PKHD1L1: variants seen among roughly 807,000 people sequenced by gnomAD.
PKHD1L1 encodes fibrocystin-L.
PKHD1L1 carries 434 observed loss-of-function variants against 462.9 expected under a neutral mutation model. That is an observed-to-expected ratio of 0.94 (90% CI 0.87 to 1.02). The LOEUF is 1.02. Ranked by LOEUF, PKHD1L1 falls within the 50% of genes least tolerant of loss-of-function variation. The pLI is 0.00. For missense variants in PKHD1L1, 5,202 were observed against 5,096.1 expected, an observed-to-expected ratio of 1.02 and a Z score of -0.63; for synonymous variants, 1,781 against 1,750.0, an observed-to-expected ratio of 1.02 and a Z score of -0.44.
rs1427735744 is a variant in PKHD1L1, at chr8:109,533,023, T to C, written c.*2933T>C. Among the ~76,000 whole-genome samples, 1 of 152,212 alleles carries C rather than the reference T, an allele frequency of 6.6e-6. No individual in the cohort carries two copies. Among genetic ancestry groups the C allele is most frequent in the Non-Finnish European group, 1.5e-5 (1 of 68,036 alleles). Reference sequence around the variant, plus strand: ...AAACTTGAAATGTTGAAGGGTTAGGTTAAATTCCCAAGTTCACAGAGCTAC... The same window carrying C: ...AAACTTGAAATGTTGAAGGGTTAGGCTAAATTCCCAAGTTCACAGAGCTAC... On this transcript the variant is annotated 3_prime_UTR_variant, in exon 78 of 78. Coordinates refer to ENST00000378402, the MANE Select transcript of PKHD1L1 (RefSeq NM_177531.6).
intron 16 of PKHD1L1, among the ~76,000 whole-genome samples, chr8:109,405,755 C>T (rs1472743583): frequency 1.3e-5 from 2 of 151,980 alleles, no homozygotes; most frequent in African/African-American, 4.8e-5. Flanking sequence ...GGCTTAATAC[C>T]TAGGTGATGA....
chr8:109,526,850 T>C lies in PKHD1L1; in HGVS notation c.12551T>C (p.Leu4184Pro), dbSNP rs2131046539. The change falls in exon 77 of 78, where the codon CTG becomes CCG. Residue 4184 changes from leucine to proline, a missense_variant. Coordinates refer to ENST00000378402, the MANE Select transcript of PKHD1L1 (RefSeq NM_177531.6). ...GGGGTAGAATCCAGAACTTTCAGCC[T>C]GCTGGCAGAGTCTGTCTCTAGCAGT... ...VVGVESRTFSLLAESVSSSGS... is the reference protein window; with the variant it reads ...VVGVESRTFSPLAESVSSSGS... 6.3e-7 allele frequency: 1 copy of C among 1,596,058 alleles called. No individual in the cohort carries two copies. Among genetic ancestry groups the C allele is most frequent in the South Asian group, 1.1e-5 (1 of 88,888 alleles).
intron 50 of PKHD1L1, chr8:109,471,119 AC>A: frequency 1.4e-6 from 2 of 1,479,988 alleles, no homozygotes; most frequent in Non-Finnish European, 1.9e-6. Context: ...CTAAACTAAA[AC>A]ACTCAGCAGA....
chr8:109,382,361 T>C, intron 3 of PKHD1L1, 102 bp from the exon 4 acceptor site: 1 of 900,624 alleles, frequency 1.1e-6, no homozygotes, highest in Non-Finnish European at 1.6e-6. Context: ...GGACACTTTC[T>C]GTCAAAAATA....
intron 24 of PKHD1L1, 35 bp downstream of exon 24, chr8:109,425,267 G>T: frequency 6.6e-7 from 1 of 1,507,798 alleles, no homozygotes; most frequent in Non-Finnish European, 8.9e-7. Flanking sequence ...TGGTGTATAC[G>T]CACACACATA....
At chr8:109,374,500 AT>A (rs1335785361) in intron 2 of PKHD1L1, among the ~76,000 whole-genome samples, 2 of 152,170 alleles carry the variant, frequency 1.3e-5, no homozygotes, top group African/African-American at 4.8e-5. Flanking sequence ...GCCAATTTAC[AT>A]TTAAGGTTTA....
intron 20 of PKHD1L1, among the ~76,000 whole-genome samples, chr8:109,412,884 T>C (rs932186867): frequency 6.6e-6 from 1 of 152,064 alleles, no homozygotes; most frequent in African/African-American, 2.4e-5. Context: ...CTTTCTCTTA[T>C]TTTAAAATTC....
chr8:109,410,094 T>C (rs1813759335), intron 19 of PKHD1L1, 116 bp downstream of exon 19: 1 of 586,580 alleles, frequency 1.7e-6, no homozygotes, highest in African/African-American at 2.0e-5. Flanking sequence ...CACAGTCAAA[T>C]TGCAAAAATG....
Position 109,425,105 on chromosome 8 carries a change from G to T in PKHD1L1, c.2718G>T (p.Glu906Asp), listed in dbSNP as rs763004904. 77 of 1,588,608 alleles carry T rather than the reference G, an allele frequency of 4.8e-5. No homozygotes were observed. The highest frequency in any genetic ancestry group is 5.9e-5 in the Non-Finnish European group (69 of 1,170,266). Residue 906 changes from glutamate to aspartate, a missense_variant, in exon 24 of 78, where the codon GAG becomes GAT. Coordinates refer to ENST00000378402, the MANE Select transcript of PKHD1L1 (RefSeq NM_177531.6). ...SFGQIITHET[E>D]NEFVYRGNNW... ...ATTAGATAATCACACATGAGACAGA[G>T]AACGAGTTTGTCTACAGAGGAAATA... is the stretch of plus-strand genomic sequence containing the variant.
intron 38 of PKHD1L1, among the ~76,000 whole-genome samples, chr8:109,446,878 G>A (rs1182201858): frequency 1.3e-5 from 2 of 152,150 alleles, no homozygotes; most frequent in African/African-American, 2.4e-5. Context: ...AAGGCAAAAT[G>A]TCAAGCAAAA....
At chr8:109,418,914 T>G (rs1299887430) in intron 21 of PKHD1L1, among the ~76,000 whole-genome samples, 183 bp from the exon 22 acceptor site, 1 of 152,258 alleles carries the variant, frequency 6.6e-6, no homozygotes, top group Non-Finnish European at 1.5e-5. Context: ...AATCTTTTAC[T>G]GCCAATGTAA....
Position 109,526,892 on chromosome 8 carries a change from G to A in PKHD1L1, c.12593G>A (p.Ser4198Asn), listed in dbSNP as rs1563642326. ...TCTAGCAGTGGCAGCAGCAGCAGCA[G>A]CAACAGCAAAGCATCAACTGTGGGT... ...SVSSSGSSSSSNSKASTVGTY... is the reference protein window; with the variant it reads ...SVSSSGSSSSNNSKASTVGTY... Residue 4198 changes from serine (S) to asparagine (N), a missense_variant, in exon 77 of 78, where the codon AGC becomes AAC. This residue lies in a region of PKHD1L1 where 698 missense variants were observed against 736.3 expected (regional missense o/e 0.95). Transcript: ENST00000378402. The A allele has an allele frequency of 1.2e-6, 2 of 1,611,056 alleles. No individual in the cohort carries two copies. The highest frequency in any genetic ancestry group is 1.7e-5 in the Admixed American group (1 of 59,566).
chr8:109,421,400 C>G (rs1814456385), intron 23 of PKHD1L1, among the ~76,000 whole-genome samples: 1 of 152,002 alleles, frequency 6.6e-6, no homozygotes. Context: ...TGCCTTTATC[C>G]CATCCTGGCC....
In PKHD1L1 at chr8:109,523,288, A is replaced by G. The variant is rs2131033238; in HGVS notation, c.12386A>G (p.Asp4129Gly). 6.2e-7 allele frequency: 1 copy of G among 1,611,678 alleles called. No homozygotes were observed. The highest frequency in any genetic ancestry group is 2.2e-5 in the East Asian group (1 of 44,814). ...CTAACTTTGAGGGCCATACTCAAGG[A>G]CTCCAATAATAACCAAGTCAATGGC... ...TALTLRAILK[D>G]SNNNQVNGLS... Residue 4129 changes from aspartate (D) to glycine (G), a missense_variant, in exon 76 of 78, where the codon GAC (aspartate) becomes GGC (glycine). This residue lies in a region of PKHD1L1 where 698 missense variants were observed against 736.3 expected (regional missense o/e 0.95). Transcript: ENST00000378402.
Position 109,459,596 on chromosome 8 carries a change from C to T in PKHD1L1, c.7006C>T (p.His2336Tyr). 1.3e-6 allele frequency: 2 copies of T among 1,506,594 alleles called. No individual in the cohort carries two copies. The highest frequency in any genetic ancestry group is 2.3e-5 in the Admixed American group (1 of 44,274). 93.3% of individuals were successfully genotyped at this position (1,506,594 alleles called of 1,614,324 possible). The stretch of plus-strand genomic sequence containing the variant: ...ATTTTTTTGTCAAAATTTTTACAGA[C>T]ACAGTCAAGGAGAGAATGAAAAAAT... ...NIVIASTGHR[H>Y]SQGENEKMTI... Residue 2336 changes from histidine to tyrosine, a missense_variant and splice_region_variant, in exon 47 of 78, where the codon CAC (histidine) becomes TAC (tyrosine). Coordinates refer to ENST00000378402, the MANE Select transcript of PKHD1L1 (RefSeq NM_177531.6).
intron 67 of PKHD1L1, among the ~76,000 whole-genome samples, chr8:109,501,893 CCA>C (rs1819433955): frequency 6.6e-6 from 1 of 152,090 alleles, no homozygotes; most frequent in East Asian, 1.9e-4. Context: ...TCCTGAACAT[CCA>C]GTCTACTTCC....
chr8:109,393,187 C>T (rs892893741), intron 9 of PKHD1L1, among the ~76,000 whole-genome samples: 7 of 151,618 alleles, frequency 4.6e-5, no homozygotes, highest in Admixed American at 1.3e-4. Flanking sequence ...AGTAACTAAT[C>T]TAGCATAAAA....
intron 73 of PKHD1L1, among the ~76,000 whole-genome samples, chr8:109,520,856 C>T (rs1317167491): frequency 1.3e-5 from 2 of 152,138 alleles, no homozygotes; most frequent in Non-Finnish European, 2.9e-5. Context: ...AAATGAATGC[C>T]CTCACATGTC....
chr8:109,363,026 T>C (rs1366150267), intron 1 of PKHD1L1, among the ~76,000 whole-genome samples: 1 of 152,078 alleles, frequency 6.6e-6, no homozygotes, highest in African/African-American at 2.4e-5. Context: ...TCCATTCTTC[T>C]TGGGTCGCTT....
Sources: gnomAD v4.1 joint callset for allele counts (sites outside exome capture counted in the v4.1 genomes callset) on GRCh38, gnomAD v4.1.1 for gene constraint, gnomAD v4.1.1 regional missense constraint, MANE v1.5 for transcripts, NCBI Gene and HGNC (gene_info 2026-07-23, HGNC 2026-07-21) for gene names.